Variants in PIWIL4 observed in about 807,000 individuals in gnomAD.
The protein encoded by PIWIL4 is piwi-like protein 4.
A neutral mutation model predicts 100.9 loss-of-function variants in PIWIL4; 50 were observed. The observed-to-expected ratio is 0.50, with a 90% confidence interval of 0.39 to 0.63. PIWIL4 has a LOEUF of 0.63. Ranked by LOEUF, PIWIL4 falls within the 20% of genes least tolerant of loss-of-function variation. PIWIL4 has a pLI of 0.00. For synonymous variants in PIWIL4, 342 were observed against 367.5 expected (o/e 0.93, Z 0.79); for missense variants, 887 against 1,043.3 (o/e 0.85, Z 2.06).
intron 11 of PIWIL4, among the ~76,000 whole-genome samples, 197 bp downstream of exon 11, chr11:94,598,112 T>G (rs1948581133): frequency 6.6e-6 from 1 of 152,218 alleles, no homozygotes; most frequent in Non-Finnish European, 1.5e-5. Context: ...CGGCACCCAG[T>G]GGACATGATT....
At chr11:94,574,806 G>A (rs377742793) in intron 2 of PIWIL4, among the ~76,000 whole-genome samples, 193 bp from the exon 3 acceptor site, 2 of 152,152 alleles carry the variant, frequency 1.3e-5, no homozygotes, top group Non-Finnish European at 2.9e-5. Context: ...TTAACAAAAC[G>A]TTCTGTGTTT....
intron 7 of PIWIL4, among the ~76,000 whole-genome samples, chr11:94,587,722 C>T (rs571478074): frequency 1.3e-5 from 2 of 152,316 alleles, no homozygotes; most frequent in Non-Finnish European, 2.9e-5. Context: ...TTGTTGTGGC[C>T]ATCTTATTTC....
chr11:94,574,772 A>G (rs1948215183), intron 2 of PIWIL4, among the ~76,000 whole-genome samples: 2 of 152,196 alleles, frequency 1.3e-5, no homozygotes, highest in African/African-American at 4.8e-5. Context: ...ATGAGTCACG[A>G]CATCTGGCCA....
chr11:94,585,673 A>G, intron 6 of PIWIL4, 148 bp downstream of exon 6: 4 of 557,908 alleles, frequency 7.2e-6, no homozygotes, highest in Non-Finnish European at 1.2e-5. Context: ...AGTTTTTTTA[A>G]TAAAATGGTT....
At chr11:94,568,606 AC>A (rs1948107458) in intron 1 of PIWIL4, 123 bp from the exon 2 acceptor site, 1 of 683,576 alleles carries the variant, frequency 1.5e-6, no homozygotes, top group African/African-American at 1.8e-5. Context: ...CAAGGGTTTT[AC>A]CTGTTAACAT....
At position 94,585,543 on chromosome 11, in the gene PIWIL4, TTC is replaced by T; in HGVS notation, c.716+20_716+21del. 6.4e-7 allele frequency: 1 copy of T among 1,551,750 alleles called. No homozygotes were observed. The highest frequency in any genetic ancestry group is 8.8e-7 in the Non-Finnish European group (1 of 1,131,434). Reference sequence around the variant, plus strand: ...CAGCACAAGTAGGTTTATTTATATTTTCTGTTACTCCGAAATTATTATAATGT... The same window carrying T: ...CAGCACAAGTAGGTTTATTTATATTTTGTTACTCCGAAATTATTATAATGT... On this transcript the variant is annotated intron_variant, in intron 6 of 19. Transcript: ENST00000299001.
intron 12 of PIWIL4, among the ~76,000 whole-genome samples, chr11:94,602,521 A>T (rs1030675483): frequency 3.3e-5 from 5 of 152,210 alleles, no homozygotes; most frequent in African/African-American, 1.2e-4. Flanking sequence ...TTTATTGAGT[A>T]CTAATATGTG....
At chr11:94,598,700 TC>T (rs1565278408) in intron 11 of PIWIL4, among the ~76,000 whole-genome samples, 1 of 143,042 alleles carries the variant, frequency 7.0e-6, no homozygotes, top group Non-Finnish European at 1.5e-5. Context: ...GGGAATTTTT[TC>T]CATCTTTTTT....
At chr11:94,593,743 G>T in intron 9 of PIWIL4, 102 bp downstream of exon 9, 1 of 1,337,254 alleles carries the variant, frequency 7.5e-7, no homozygotes, top group Non-Finnish European at 1.0e-6. Flanking sequence ...CCAGGACATC[G>T]ATTTAACCCA....
intron 2 of PIWIL4, among the ~76,000 whole-genome samples, chr11:94,570,638 C>A (rs1348775700): frequency 2.6e-5 from 4 of 152,118 alleles, no homozygotes; most frequent in Non-Finnish European, 5.9e-5. Flanking sequence ...TGCCTGTAAT[C>A]CCAGCACTTT....
At chr11:94,596,188 A>T (rs1948556316) in intron 10 of PIWIL4, among the ~76,000 whole-genome samples, 1 of 151,572 alleles carries the variant, frequency 6.6e-6, no homozygotes, top group African/African-American at 2.4e-5. Flanking sequence ...TTACTGGAAA[A>T]TTTATAATTA....
rs116889521 is a variant in PIWIL4 at position 94,575,275 on chromosome 11, C to G, written c.298+145C>G. On this transcript the variant is annotated intron_variant, in intron 3 of 19. Transcript: ENST00000299001. ...CTTCTATGTTCAAGGCACTGTTAGA[C>G]GCTTTAATTTTCTAGCCTTAATTTT... The G allele has an allele frequency of 7.7e-6, 6 of 775,922 alleles. No homozygotes were observed. In the South Asian group the frequency reaches 8.7e-5, roughly 11 times the overall value. 48.1% of individuals were successfully genotyped at this position (775,922 alleles called of 1,614,324 possible). A position where few individuals can be genotyped will look rare whatever the true frequency, so the allele number is the denominator to read the frequency against.
intron 10 of PIWIL4, among the ~76,000 whole-genome samples, chr11:94,596,293 C>T (rs1948558119): frequency 1.3e-5 from 2 of 148,840 alleles, no homozygotes; most frequent in African/African-American, 5.0e-5. Context: ...AGTACTAGCT[C>T]ATGGAGGATT....
intron 4 of PIWIL4, among the ~76,000 whole-genome samples, chr11:94,578,304 A>G (rs1416508810): frequency 6.6e-6 from 1 of 152,172 alleles, no homozygotes; most frequent in Non-Finnish European, 1.5e-5. Flanking sequence ...TCTGCAGCCG[A>G]TCTGAATGCA....
chr11:94,617,693 TTTTA>T, intron 16 of PIWIL4: 1 of 420,018 alleles, frequency 2.4e-6, no homozygotes, highest in Non-Finnish European at 4.2e-6. Flanking sequence ...AATATTAAAA[TTTTA>T]TTTAAAGAGA....
intron 4 of PIWIL4, among the ~76,000 whole-genome samples, chr11:94,581,196 G>A (rs185446970): frequency 7.7e-4 from 117 of 152,090 alleles, no homozygotes; most frequent in Non-Finnish European, 1.2e-3. Context: ...CACCACGCCC[G>A]GCCTGCCAGG....
intron 2 of PIWIL4, among the ~76,000 whole-genome samples, chr11:94,570,887 C>G (rs552001703): frequency 2.6e-5 from 4 of 152,192 alleles, no homozygotes; most frequent in Admixed American, 1.3e-4. Flanking sequence ...AGGGAAATTT[C>G]ATCTCAAAAA....
chr11:94,611,547 A>C (rs1948787190), intron 15 of PIWIL4, among the ~76,000 whole-genome samples: 1 of 150,876 alleles, frequency 6.6e-6, no homozygotes, highest in Non-Finnish European at 1.5e-5. Flanking sequence ...TAGTTTGTTC[A>C]AATATTGATA....
At chr11:94,619,922 T>A (rs1171736078) in intron 18 of PIWIL4, 37 bp downstream of exon 18, 6 of 1,614,120 alleles carry the variant, frequency 3.7e-6, no homozygotes, top group Non-Finnish European at 5.1e-6. Context: ...TAACAAAACA[T>A]TCATTGCGTC....
Sources: gnomAD v4.1 joint callset for allele counts (sites outside exome capture counted in the v4.1 genomes callset) on GRCh38, gnomAD v4.1.1 for gene constraint, MANE v1.5 for transcripts, NCBI Gene and HGNC (gene_info 2026-07-23, HGNC 2026-07-21) for gene names.